MYOZ2: variants seen among roughly 807,000 people sequenced by gnomAD.
MYOZ2 encodes the protein myozenin-2.
In MYOZ2, 19 loss-of-function variants were observed where a neutral mutation model predicts 25.4. That is an observed-to-expected ratio of 0.75 (90% confidence interval 0.52 to 1.10). MYOZ2 has a LOEUF of 1.10. Among genes scored for constraint, MYOZ2 ranks in the 50% least tolerant of loss-of-function variants. The probability of loss-of-function intolerance (pLI) is 0.00; values close to 1 mark genes in which losing one functional copy is unlikely to be tolerated. For missense variants in MYOZ2, 270 were observed against 317.9 expected (o/e 0.85, Z 1.15); for synonymous variants, 92 against 106.9 (o/e 0.86, Z 0.86).
chr4:119,187,337 G>A lies in MYOZ2; in HGVS notation c.*1137G>A, dbSNP rs1205293989. The A allele has an allele frequency of 2.6e-5, 4 of 152,118 alleles. No individual in the cohort carries two copies. The highest frequency in any genetic ancestry group is 4.4e-5 in the Non-Finnish European group (3 of 68,008). The allele number at this position is 152,118 out of a possible 1,614,324, so 9.4% of individuals were successfully genotyped here. A position where few individuals can be genotyped will look rare whatever the true frequency, so the allele number is the denominator to read the frequency against. ...TTCAGTTAAGACTTCTGTGATAGAT[G>A]TTTATAGCAGAGAAGAAATGTCTCA... On this transcript the variant is annotated 3_prime_UTR_variant, in exon 6 of 6. Coordinates refer to ENST00000307128, the MANE Select transcript of MYOZ2 (RefSeq NM_016599.5).
In MYOZ2 at chr4:119,162,705, G is replaced by T. The variant is rs191570166; in HGVS notation, c.377-1506G>T. Among the ~76,000 whole-genome samples the T allele has an allele frequency of 2.0e-5, 3 of 152,252 alleles. No individual in the cohort carries two copies. In the East Asian group the frequency reaches 5.8e-4, roughly 29 times the overall value. ...TTAAATACGTATCCAAGATAATTCA[G>T]ACAAACAATAATATGAGAGCCACTA... On this transcript the variant is annotated intron_variant, in intron 4 of 5. Coordinates refer to ENST00000307128, the MANE Select transcript of MYOZ2 (RefSeq NM_016599.5).
At chr4:119,137,634 C>T (rs1741061593) in intron 2 of MYOZ2, among the ~76,000 whole-genome samples, 1 of 152,040 alleles carries the variant, frequency 6.6e-6, no homozygotes, top group South Asian at 2.1e-4. Context: ...ACTAAGAGGT[C>T]CGTTGTTGTT....
At chr4:119,154,590 T>A (rs566135884) in intron 3 of MYOZ2, among the ~76,000 whole-genome samples, 8 of 152,138 alleles carry the variant, frequency 5.3e-5, no homozygotes, top group Non-Finnish European at 1.2e-4. Flanking sequence ...TTAATGTAGG[T>A]AGAATTATTT....
rs1578738559 is a variant in MYOZ2, at chr4:119,164,342, C to T, written c.508C>T (p.Leu170Phe). ...PELLEALYPK[L>F]FKPEGKAELP... ...GCTTTTAGAGGCTTTATATCCTAAACTTTTCAAGCCTGAAGGAAAGGCAGA... is the reference window on the plus strand; with the variant it reads ...GCTTTTAGAGGCTTTATATCCTAAATTTTTCAAGCCTGAAGGAAAGGCAGA... The change falls in exon 5 of 6, where the codon CTT becomes TTT. Residue 170 changes from leucine to phenylalanine, a missense_variant. Coordinates refer to ENST00000307128, the MANE Select transcript of MYOZ2 (RefSeq NM_016599.5). 1.9e-6 allele frequency: 3 copies of T among 1,614,058 alleles called. No homozygotes were observed. The highest frequency in any genetic ancestry group is 1.7e-6 in the Non-Finnish European group (2 of 1,179,982).
At chr4:119,138,027 A>G (rs1741072150) in intron 2 of MYOZ2, among the ~76,000 whole-genome samples, 1 of 152,182 alleles carries the variant, frequency 6.6e-6, no homozygotes, top group Non-Finnish European at 1.5e-5. Flanking sequence ...GTTGGAATCT[A>G]CTGTTAGCTC....
At position 119,168,683 on chromosome 4, in the gene MYOZ2, A is replaced by AAACAACAACAACAAC. The variant is rs150292392; in HGVS notation, c.560+4304_560+4318dup. On this transcript the variant is annotated intron_variant, in intron 5 of 5. Coordinates refer to ENST00000307128, the MANE Select transcript of MYOZ2 (RefSeq NM_016599.5). Reference sequence around the variant, plus strand: ...CTGCAATCTAAAAAAAACAACAACAAAACAACAACAACAACAACAACAACA... The same window carrying AAACAACAACAACAAC: ...CTGCAATCTAAAAAAAACAACAACAAAACAACAACAACAACAACAACAACAACAACAACAACAACA... 2.6e-3 allele frequency among the ~76,000 whole-genome samples: 392 copies of AAACAACAACAACAAC among 150,932 alleles called. 2 individuals carry two copies. Among genetic ancestry groups the AAACAACAACAACAAC allele is most frequent in the African/African-American group, 9.2e-3 (375 of 40,656 alleles).
intron 5 of MYOZ2, among the ~76,000 whole-genome samples, chr4:119,180,097 A>C (rs1261148977): frequency 6.6e-6 from 1 of 152,246 alleles, no homozygotes; most frequent in Non-Finnish European, 1.5e-5. Flanking sequence ...TTGGGGAATC[A>C]TGTGCTGTGT....
rs114047404 is a variant in MYOZ2 at position 119,160,647 on chromosome 4, G to A, written c.376+2496G>A. Among the ~76,000 whole-genome samples the A allele has an allele frequency of 9.1e-3, 1,389 of 152,056 alleles. 17 individuals are homozygous for A. The highest frequency in any genetic ancestry group is 0.029 in the African/African-American group (1,223 of 41,494). ...TATTCAGAGAGAGACTTTGTGGGGG[G>A]AAAACTGCATGCTTTATTAAATGGT... On this transcript the variant is annotated intron_variant, in intron 4 of 5. Transcript: ENST00000307128.
chr4:119,163,279 C>G (rs143169154), intron 4 of MYOZ2, among the ~76,000 whole-genome samples: 1 of 151,904 alleles, frequency 6.6e-6, no homozygotes, highest in Non-Finnish European at 1.5e-5. Context: ...CATGCTTTGA[C>G]AGAAGAAAAT....
chr4:119,167,676 C>T (rs1157247705), intron 5 of MYOZ2, among the ~76,000 whole-genome samples: 1 of 152,216 alleles, frequency 6.6e-6, no homozygotes, highest in East Asian at 1.9e-4. Flanking sequence ...CTAACTATCT[C>T]ACTAGAAACT....
At position 119,186,342 on chromosome 4, in the gene MYOZ2, C is replaced by T. The variant is rs112649595; in HGVS notation, c.*142C>T. The T allele has an allele frequency of 4.5e-5, 30 of 663,378 alleles. No individual in the cohort carries two copies. The highest frequency in any genetic ancestry group is 3.8e-4 in the African/African-American group (21 of 55,288). The allele number at this position is 663,378 out of a possible 1,614,324, so 41.1% of individuals were successfully genotyped here. ...ATTTTCCTTTTCTGACATTCAATTT[C>T]AATCTCAGATCAAATACTAATAAAC... On this transcript the variant is annotated 3_prime_UTR_variant, in exon 6 of 6. Coordinates refer to ENST00000307128, the MANE Select transcript of MYOZ2 (RefSeq NM_016599.5).
intron 2 of MYOZ2, among the ~76,000 whole-genome samples, chr4:119,145,506 C>CTGTGTGTG (rs200111377): frequency 1.9e-3 from 239 of 128,212 alleles, no homozygotes; most frequent in East Asian, 0.011. Flanking sequence ...CCAGCTAAAA[C>CTGTGTGTG]TGTGTGTGTG....
At chr4:119,174,825 C>T (rs1179835317) in intron 5 of MYOZ2, among the ~76,000 whole-genome samples, 1 of 152,068 alleles carries the variant, frequency 6.6e-6, no homozygotes, top group East Asian at 1.9e-4. Context: ...CTTTTTGGGT[C>T]CACGCTGCTT....
chr4:119,137,143 G>A (rs543173013), intron 2 of MYOZ2, among the ~76,000 whole-genome samples: 87 of 152,096 alleles, frequency 5.7e-4, no homozygotes, highest in African/African-American at 1.9e-3. Context: ...TGTGTGCAAA[G>A]TCTACTTTTA....
intron 3 of MYOZ2, among the ~76,000 whole-genome samples, chr4:119,152,498 C>T (rs189621797): frequency 1.6e-3 from 238 of 152,186 alleles, no homozygotes; most frequent in Admixed American, 2.3e-3. Context: ...GCTTTAACTA[C>T]AATTCTGAAG....
Position 119,144,662 on chromosome 4 carries a change from T to G in MYOZ2, c.77-6210T>G, listed in dbSNP as rs140712766. Among the ~76,000 whole-genome samples the G allele has an allele frequency of 9.1e-3, 1,389 of 152,326 alleles. 20 individuals are homozygous for G. Among genetic ancestry groups the G allele is most frequent in the African/African-American group, 0.032 (1,321 of 41,580 alleles). ...ATTCTGATAGGTGTATAGTGATATA[T>G]CATTGTGATTTTAATTTGCATTTCC... On this transcript the variant is annotated intron_variant, in intron 2 of 5. Transcript: ENST00000307128.
intron 3 of MYOZ2, among the ~76,000 whole-genome samples, chr4:119,154,757 T>A (rs1741532243): frequency 6.6e-6 from 1 of 152,080 alleles, no homozygotes; most frequent in African/African-American, 2.4e-5. Context: ...AAAGAATTAG[T>A]ATAGGTTTAG....
chr4:119,143,183 A>G (rs753358907), intron 2 of MYOZ2, among the ~76,000 whole-genome samples: 1 of 151,488 alleles, frequency 6.6e-6, no homozygotes, highest in Non-Finnish European at 1.5e-5. Flanking sequence ...TGGCAATTAA[A>G]TTTCTTTCTT....
chr4:119,176,482 G>A (rs964836897), intron 5 of MYOZ2, among the ~76,000 whole-genome samples: 3 of 152,118 alleles, frequency 2.0e-5, no homozygotes, highest in Non-Finnish European at 4.4e-5. Context: ...TTCGGCCTCC[G>A]AAAGTACTGG....
Sources: allele counts gnomAD v4.1 joint callset (sites outside exome capture counted in the v4.1 genomes callset), GRCh38; gene constraint gnomAD v4.1.1; transcripts MANE v1.5; gene names NCBI Gene and HGNC (gene_info 2026-07-23, HGNC 2026-07-21).